Variants in LANCL3 observed in about 807,000 individuals in gnomAD.
LANCL3 encodes the protein lanC-like protein 3.
LANCL3 carries 19 observed loss-of-function variants against 26.5 expected under a neutral mutation model. The observed-to-expected ratio is 0.72, with a 90% CI of 0.50 to 1.05. LANCL3 has a LOEUF of 1.05. LANCL3 is among the 50% of genes least tolerant of loss of function. The probability of loss-of-function intolerance (pLI) is 0.00; values close to 1 mark genes in which losing one functional copy is unlikely to be tolerated. For missense variants in LANCL3, 318 were observed against 362.7 expected, an observed-to-expected ratio of 0.88 and a Z score of 1.00; for synonymous variants, 160 against 166.6, an observed-to-expected ratio of 0.96 and a Z score of 0.30.
At position 37,682,334 on chromosome X, in the gene LANCL3, C is replaced by G. The variant is rs1176624475; in HGVS notation, c.*6521C>G. ...AGCCGGGATGGTCTCGATCTCCTGA[C>G]CTCGTGATCCGCCCGCCTCGGCCTC... is the stretch of plus-strand genomic sequence containing the variant. On this transcript the variant is annotated 3_prime_UTR_variant, in exon 5 of 5. Coordinates refer to ENST00000378619, the MANE Select transcript of LANCL3 (RefSeq NM_001170331.2). 1 of 110,569 alleles carries G rather than the reference C, an allele frequency of 9.0e-6. No homozygotes were observed. The highest frequency in any genetic ancestry group is 1.9e-5 in the Non-Finnish European group (1 of 52,859). 9.1% of individuals were successfully genotyped at this position (110,569 alleles called of 1,213,427 possible).
At chrX:37,657,955 C>G (rs1926325928) in intron 2 of LANCL3, among the ~76,000 whole-genome samples, 1 of 111,895 alleles carries the variant, frequency 8.9e-6, no homozygotes, top group South Asian at 3.7e-4. Context: ...AGCAAGCCAT[C>G]AGAATACATT....
chrX:37,582,017 T>C (rs1192878751), intron 1 of LANCL3, among the ~76,000 whole-genome samples: 1 of 110,840 alleles, frequency 9.0e-6, no homozygotes, highest in East Asian at 2.8e-4. Context: ...CACCTATGAG[T>C]GAGAACATAC....
At chrX:37,607,202 A>G (rs1924742310) in intron 1 of LANCL3, among the ~76,000 whole-genome samples, 2 of 112,420 alleles carry the variant, frequency 1.8e-5, no homozygotes, top group Non-Finnish European at 3.8e-5. Flanking sequence ...CCCATAACAT[A>G]CATTTCCTTC....
At chrX:37,642,641 G>C (rs1372324458) in intron 1 of LANCL3, among the ~76,000 whole-genome samples, 19 of 111,848 alleles carry the variant, frequency 1.7e-4, no homozygotes, top group Admixed American at 9.6e-5. Context: ...TTTCCATGAA[G>C]CTCCTGCAGA....
chrX:37,571,770 C>A lies in LANCL3; in HGVS notation c.-101C>A, dbSNP rs1425616679. On this transcript the variant is annotated 5_prime_UTR_variant, in exon 1 of 5. Transcript: ENST00000378619. ...TCTCGCTCCTTCCCCGCCGCATACA[C>A]CGGCATCCGAGTGCCTCAGAGAGCC... The A allele has an allele frequency of 5.9e-6, 4 of 675,451 alleles. No homozygotes were observed. In the African/African-American group the frequency reaches 9.0e-5, roughly 15 times the overall value. The allele number at this position is 675,451 out of a possible 1,213,427, so 55.7% of individuals were successfully genotyped here. A position where few individuals can be genotyped will look rare whatever the true frequency, so the allele number is the denominator to read the frequency against.
At chrX:37,643,191 C>T (rs1556426113) in intron 1 of LANCL3, among the ~76,000 whole-genome samples, 2 of 111,471 alleles carry the variant, frequency 1.8e-5, no homozygotes, top group African/African-American at 6.5e-5. Context: ...TTTAAGCTTC[C>T]TATTAGGAAG....
chrX:37,591,763 A>T (rs11266282), intron 1 of LANCL3, among the ~76,000 whole-genome samples: 20,483 of 103,112 alleles, frequency 0.2, 1,682 homozygotes, highest in Admixed American at 0.27. Flanking sequence ...GGTACTACAG[A>T]CTCTCTTGGC....
chrX:37,572,184 G>A lies in LANCL3; in HGVS notation c.314G>A (p.Arg105His). 8.5e-7 allele frequency: 1 copy of A among 1,180,901 alleles called. No homozygotes were observed. Among genetic ancestry groups the A allele is most frequent in the Non-Finnish European group, 1.1e-6 (1 of 885,334 alleles). ...SAKRLIDACA[R>H]AEEWGEPDAD... is the part of the protein sequence containing the mutation. ...AAGCGCCTCATCGACGCGTGCGCCC[G>A]CGCTGAGGAGTGGGGCGAACCGGAC... is the stretch of plus-strand genomic sequence containing the variant. The change falls in exon 1 of 5, where the codon CGC becomes CAC. Residue 105 changes from arginine (R) to histidine (H), a missense_variant. Coordinates refer to ENST00000378619, the MANE Select transcript of LANCL3 (RefSeq NM_001170331.2).
At chrX:37,660,321 G>A (rs988198027) in intron 3 of LANCL3, among the ~76,000 whole-genome samples, 4 of 111,289 alleles carry the variant, frequency 3.6e-5, no homozygotes, top group Non-Finnish European at 7.5e-5. Context: ...TAGACAAATC[G>A]TATGCACTTT....
chrX:37,665,521 G>A (rs1295476540), intron 3 of LANCL3, among the ~76,000 whole-genome samples: 1 of 112,015 alleles, frequency 8.9e-6, no homozygotes, highest in Non-Finnish European at 1.9e-5. Context: ...GTATTATTGA[G>A]AGAACCATTT....
At chrX:37,576,771 G>C (rs1181151199) in intron 1 of LANCL3, among the ~76,000 whole-genome samples, 1 of 112,131 alleles carries the variant, frequency 8.9e-6, no homozygotes, top group Non-Finnish European at 1.9e-5. Flanking sequence ...GCAAAGGGGA[G>C]GGCTGCTGTT....
At chrX:37,583,649 A>G (rs1413338741) in intron 1 of LANCL3, among the ~76,000 whole-genome samples, 3 of 111,640 alleles carry the variant, frequency 2.7e-5, no homozygotes, top group African/African-American at 9.8e-5. Context: ...AATGCTTCTG[A>G]TTTTTGCACA....
chrX:37,655,934 T>C (rs1926272991), intron 2 of LANCL3, 123 bp downstream of exon 2: 7 of 571,475 alleles, frequency 1.2e-5, no homozygotes, highest in East Asian at 1.2e-4. Flanking sequence ...AGAAATACTT[T>C]AAAATTTTCT....
chrX:37,619,197 G>T (rs1344311325), intron 1 of LANCL3, among the ~76,000 whole-genome samples: 1 of 111,777 alleles, frequency 8.9e-6, no homozygotes, highest in African/African-American at 3.2e-5. Context: ...GAATAAAAAA[G>T]TGCAGAATCA....
chrX:37,629,793 G>A (rs1925433828), intron 1 of LANCL3, among the ~76,000 whole-genome samples: 1 of 111,432 alleles, frequency 9.0e-6, no homozygotes, highest in South Asian at 3.8e-4. Flanking sequence ...GCTCTGTTCT[G>A]TTCCATTGAT....
intron 1 of LANCL3, among the ~76,000 whole-genome samples, chrX:37,613,184 G>A (rs1470224179): frequency 3.7e-5 from 4 of 108,988 alleles, no homozygotes; most frequent in Non-Finnish European, 7.6e-5. Flanking sequence ...TTTTCTTTAT[G>A]GCCTTTAGTA....
At chrX:37,588,231 A>G (rs1305315439) in intron 1 of LANCL3, among the ~76,000 whole-genome samples, 1 of 111,865 alleles carries the variant, frequency 8.9e-6, no homozygotes, top group Non-Finnish European at 1.9e-5. Context: ...CTGCAACACA[A>G]TATACAATGG....
intron 1 of LANCL3, among the ~76,000 whole-genome samples, chrX:37,635,858 G>C (rs1186336020): frequency 1.8e-5 from 2 of 110,171 alleles, no homozygotes; most frequent in Non-Finnish European, 3.8e-5. Context: ...TGCTACATAG[G>C]TAAATTGTGT....
chrX:37,626,557 A>G (rs1602113799), intron 1 of LANCL3, among the ~76,000 whole-genome samples: 1 of 111,333 alleles, frequency 9.0e-6, no homozygotes. Flanking sequence ...TTGGCAGATG[A>G]CCCTTAACTC....
Sources: allele counts gnomAD v4.1 joint callset (sites outside exome capture counted in the v4.1 genomes callset), GRCh38; gene constraint gnomAD v4.1.1; transcripts MANE v1.5; gene names NCBI Gene and HGNC (gene_info 2026-07-23, HGNC 2026-07-21).